BCKDHB: variants seen among roughly 807,000 people sequenced by gnomAD.
The protein encoded by BCKDHB is 2-oxoisovalerate dehydrogenase subunit beta, mitochondrial.
BCKDHB carries 41 observed loss-of-function variants against 48.5 expected under a neutral mutation model. That is an observed-to-expected ratio of 0.85 (90% CI 0.66 to 1.10). The LOEUF (loss-of-function observed/expected upper bound fraction) is 1.10, where lower values mean the gene tolerates loss of function less well. Ranked by LOEUF, BCKDHB falls within the 50% of genes least tolerant of loss-of-function variation. The pLI, the probability that BCKDHB is intolerant of heterozygous loss-of-function variation, is 0.00. For synonymous variants in BCKDHB, 201 were observed against 174.8 expected (o/e 1.15, Z -1.18); for missense variants, 496 against 494.2 (o/e 1.00, Z -0.03).
intron 6 of BCKDHB, among the ~76,000 whole-genome samples, chr6:80,188,064 C>T (rs1406903773): frequency 3.3e-5 from 5 of 152,040 alleles, no homozygotes; most frequent in Non-Finnish European, 1.5e-5. Flanking sequence ...ATAGCAAAGA[C>T]GTAAAATCAA....
chr6:80,314,304 T>A (rs1768323815), intron 9 of BCKDHB, among the ~76,000 whole-genome samples: 1 of 152,206 alleles, frequency 6.6e-6, no homozygotes, highest in Non-Finnish European at 1.5e-5. Flanking sequence ...AGAACTGGGA[T>A]CAGGGTCCCA....
intron 6 of BCKDHB, among the ~76,000 whole-genome samples, 178 bp from the exon 7 acceptor site, chr6:80,200,756 C>T (rs1255366706): frequency 6.6e-6 from 1 of 152,030 alleles, no homozygotes; most frequent in Non-Finnish European, 1.5e-5. Context: ...ATTTATTCAT[C>T]TGTGCAGTAA....
the BCKDHB span, among the ~76,000 whole-genome samples, chr6:80,411,968 T>C: frequency 2.0e-5 from 3 of 152,202 alleles, no homozygotes; most frequent in African/African-American, 7.2e-5. Flanking sequence ...CTGCACCCAC[T>C]GTCCAGCCAG....
chr6:80,207,578 T>G (rs1461732501), intron 8 of BCKDHB, among the ~76,000 whole-genome samples: 1 of 151,774 alleles, frequency 6.6e-6, no homozygotes, highest in Admixed American at 6.6e-5. Context: ...AGTAAAAGTC[T>G]AAGATCCTCA....
At chr6:80,198,503 T>A (rs1476747724) in intron 6 of BCKDHB, among the ~76,000 whole-genome samples, 1 of 152,180 alleles carries the variant, frequency 6.6e-6, no homozygotes. Flanking sequence ...TGACACTGAT[T>A]ATATAAATGT....
chr6:80,271,285 ATACTCTACTATGTTGATG>A (rs1351807233), intron 8 of BCKDHB, among the ~76,000 whole-genome samples: 2 of 152,112 alleles, frequency 1.3e-5, no homozygotes, highest in African/African-American at 4.8e-5. Context: ...TGGCTGCATA[ATACTCTACTATGTTGATG>A]CATATTGGTC....
intron 5 of BCKDHB, chr6:80,169,719 C>T (rs956755348): frequency 5.8e-6 from 7 of 1,206,038 alleles, no homozygotes; most frequent in Non-Finnish European, 5.7e-6. Flanking sequence ...TGTGTGAATC[C>T]AGAGATGTAT....
chr6:80,236,180 A>G (rs1460419416), intron 8 of BCKDHB, among the ~76,000 whole-genome samples: 1 of 150,296 alleles, frequency 6.7e-6, no homozygotes, highest in African/African-American at 2.5e-5. Context: ...TCTTCTCTTT[A>G]ACTTTGTGTT....
At chr6:80,458,217 T>A in the BCKDHB span, among the ~76,000 whole-genome samples, 3 of 152,160 alleles carry the variant, frequency 2.0e-5, no homozygotes, top group Non-Finnish European at 4.4e-5. Context: ...TTTCTGCAGA[T>A]CAAAGGAAGG....
the BCKDHB span, among the ~76,000 whole-genome samples, chr6:80,388,663 C>A: frequency 6.6e-6 from 1 of 152,194 alleles, no homozygotes; most frequent in Admixed American, 6.5e-5. Context: ...CCCATGATCT[C>A]TTCTCCTGCC....
At chr6:80,464,191 G>A in the BCKDHB span, among the ~76,000 whole-genome samples, 14 of 152,154 alleles carry the variant, frequency 9.2e-5, no homozygotes, top group African/African-American at 3.1e-4. Context: ...GCAGTGGCGC[G>A]ATCTTGGCTC....
At chr6:80,441,534 A>T in the BCKDHB span, among the ~76,000 whole-genome samples, 756 of 152,310 alleles carry the variant, frequency 5.0e-3, 5 homozygotes, top group African/African-American at 0.017. Context: ...CTGACACTTT[A>T]GATTTAATTT....
chr6:80,196,916 T>C (rs916142042), intron 6 of BCKDHB, among the ~76,000 whole-genome samples: 1 of 152,218 alleles, frequency 6.6e-6, no homozygotes, highest in Non-Finnish European at 1.5e-5. Context: ...AATTTTGGCC[T>C]TGAAAAGATT....
chr6:80,231,323 T>C (rs967637612), intron 8 of BCKDHB, among the ~76,000 whole-genome samples: 1 of 152,178 alleles, frequency 6.6e-6, no homozygotes, highest in Non-Finnish European at 1.5e-5. Context: ...ATATAGAAGC[T>C]ATAAAGAAAG....
At chr6:80,454,818 C>G in the BCKDHB span, among the ~76,000 whole-genome samples, 3 of 152,230 alleles carry the variant, frequency 2.0e-5, no homozygotes, top group South Asian at 6.2e-4. Flanking sequence ...GTTCTGCAGT[C>G]TAGCCCTGGC....
intron 6 of BCKDHB, among the ~76,000 whole-genome samples, chr6:80,180,609 A>G (rs1773366909): frequency 6.6e-6 from 1 of 152,210 alleles, no homozygotes; most frequent in South Asian, 2.1e-4. Context: ...TCTTGTTTCT[A>G]GGATTTCTGG....
the BCKDHB span, among the ~76,000 whole-genome samples, chr6:80,407,650 CTGTT>C: frequency 4.1e-4 from 63 of 152,204 alleles, 2 homozygotes; most frequent in South Asian, 2.3e-3. Flanking sequence ...CTTTGGCTGT[CTGTT>C]TGTCTGTTAG....
At chr6:80,412,640 A>G in the BCKDHB span, among the ~76,000 whole-genome samples, 6 of 152,250 alleles carry the variant, frequency 3.9e-5, no homozygotes, top group South Asian at 1.2e-3. Context: ...AAATATTTTT[A>G]TGTTGCTAAT....
intron 8 of BCKDHB, among the ~76,000 whole-genome samples, chr6:80,234,199 G>A (rs918626600): frequency 7.2e-5 from 11 of 152,310 alleles, no homozygotes; most frequent in Non-Finnish European, 1.5e-4. Context: ...GGACCATACT[G>A]GTCCATGGCC....
Sources: allele counts gnomAD v4.1 joint callset (sites outside exome capture counted in the v4.1 genomes callset), GRCh38; gene constraint gnomAD v4.1.1; transcripts MANE v1.5; gene names NCBI Gene and HGNC (gene_info 2026-07-23, HGNC 2026-07-21).